EPN2: variants seen among roughly 807,000 people sequenced by gnomAD.
EPN2 encodes epsin 2.
A neutral mutation model predicts 61.7 loss-of-function variants in EPN2; 34 were observed. The ratio of observed to expected loss-of-function variants is 0.55; its 90% CI spans 0.42 to 0.73. The LOEUF (loss-of-function observed/expected upper bound fraction) is 0.73. Among genes scored for constraint, EPN2 ranks in the 30% least tolerant of loss-of-function variants. The probability of loss-of-function intolerance (pLI) is 0.00; values close to 1 mark genes in which losing one functional copy is unlikely to be tolerated. For missense variants in EPN2, 714 were observed against 839.2 expected (o/e 0.85, Z 1.84); for synonymous variants, 349 against 353.6 (o/e 0.99, Z 0.15).
chr17:19,278,938 C>CTAGTGAGGATTTCT (rs1446751873), intron 1 of EPN2, among the ~76,000 whole-genome samples: 1 of 152,180 alleles, frequency 6.6e-6, no homozygotes, highest in African/African-American at 2.4e-5. Flanking sequence ...TGCCCGGCCC[C>CTAGTGAGGATTTCT]TAGTGAGGAT....
chr17:19,313,305 G>A (rs770647847), intron 7 of EPN2, 26 bp downstream of exon 7: 3 of 1,497,370 alleles, frequency 2.0e-6, no homozygotes, highest in East Asian at 2.5e-5. Context: ...CTGGTCTCCC[G>A]TGCTTGCCTG....
At chr17:19,257,348 A>G (rs917730664) in intron 1 of EPN2, among the ~76,000 whole-genome samples, 8 of 152,170 alleles carry the variant, frequency 5.3e-5, no homozygotes, top group African/African-American at 1.9e-4. Context: ...GCTAGGTCCC[A>G]TGGAGATTGT....
At chr17:19,291,268 G>A (rs868103482) in intron 4 of EPN2, among the ~76,000 whole-genome samples, 76 of 152,300 alleles carry the variant, frequency 5.0e-4, no homozygotes, top group African/African-American at 1.6e-3. Context: ...AGCAGTGGCC[G>A]TGATCATTGT....
intron 1 of EPN2, among the ~76,000 whole-genome samples, chr17:19,276,918 C>A (rs550462054): frequency 6.6e-6 from 1 of 152,050 alleles, no homozygotes; most frequent in South Asian, 2.1e-4. Context: ...GTGAGCTGAT[C>A]ACACACTTCC....
chr17:19,302,405 C>T (rs1598008644), intron 4 of EPN2, among the ~76,000 whole-genome samples: 1 of 152,354 alleles, frequency 6.6e-6, no homozygotes, highest in Middle Eastern at 3.4e-3. Flanking sequence ...AGCCGCTCCC[C>T]ATCACTTGCA....
intron 1 of EPN2, among the ~76,000 whole-genome samples, chr17:19,239,095 G>C (rs2044850673): frequency 1.3e-5 from 2 of 152,208 alleles, no homozygotes; most frequent in Non-Finnish European, 2.9e-5. Context: ...CTTGTTCGGT[G>C]CTTGTTTTTG....
At chr17:19,257,449 G>A (rs1415246205) in intron 1 of EPN2, among the ~76,000 whole-genome samples, 1 of 151,978 alleles carries the variant, frequency 6.6e-6, no homozygotes, top group African/African-American at 2.4e-5. Context: ...TATAGCCTTA[G>A]GACCTATACG....
chr17:19,286,060 C>T (rs2045401743), intron 4 of EPN2, among the ~76,000 whole-genome samples: 1 of 152,198 alleles, frequency 6.6e-6, no homozygotes, highest in African/African-American at 2.4e-5. Flanking sequence ...GGTGATGGCC[C>T]ATGCTCTCCC....
At chr17:19,308,712 G>A in intron 4 of EPN2, 2 of 981,118 alleles carry the variant, frequency 2.0e-6, no homozygotes, top group Non-Finnish European at 2.4e-6. Flanking sequence ...GGCAGGTCTT[G>A]TTCTGAGAGT....
intron 4 of EPN2, among the ~76,000 whole-genome samples, chr17:19,304,683 C>G (rs1038385329): frequency 2.0e-5 from 3 of 152,232 alleles, no homozygotes; most frequent in African/African-American, 7.2e-5. Context: ...TTTACCTCCT[C>G]CCACAGGCCC....
At chr17:19,263,792 G>T (rs913407291) in intron 1 of EPN2, among the ~76,000 whole-genome samples, 2 of 152,178 alleles carry the variant, frequency 1.3e-5, no homozygotes, top group African/African-American at 4.8e-5. Flanking sequence ...ACCAGACCTG[G>T]CCTTCCTGAG....
intron 1 of EPN2, among the ~76,000 whole-genome samples, chr17:19,247,234 C>T (rs186462426): frequency 3.3e-5 from 5 of 152,244 alleles, no homozygotes; most frequent in Non-Finnish European, 7.3e-5. Context: ...AGTTTCATGA[C>T]TGAGGCCAGT....
intron 4 of EPN2, among the ~76,000 whole-genome samples, chr17:19,286,547 C>T (rs2045407071): frequency 6.6e-6 from 1 of 152,178 alleles, no homozygotes; most frequent in Admixed American, 6.5e-5. Flanking sequence ...AGTGGGTTCT[C>T]TGCTACAGGG....
chr17:19,326,259 T>C (rs1215729966), intron 7 of EPN2, among the ~76,000 whole-genome samples: 1 of 152,202 alleles, frequency 6.6e-6, no homozygotes, highest in Non-Finnish European at 1.5e-5. Context: ...TTCTTCACTT[T>C]TGTTTTTTAA....
At position 19,331,930 on chromosome 17, in the gene EPN2, G is replaced by A. The variant is rs1907176599; in HGVS notation, c.1489G>A (p.Val497Ile). 1.9e-6 allele frequency: 3 copies of A among 1,614,040 alleles called. No individual in the cohort carries two copies. Among genetic ancestry groups the A allele is most frequent in the South Asian group, 1.1e-5 (1 of 91,088 alleles). ...CCCCTTTGAGTCTCAACCCCTGACT[G>A]TCGCCTCAAGCAAGCCCAGCAGTGC... ...PDPFESQPLT[V>I]ASSKPSSARK... Residue 497 changes from valine (V) to isoleucine (I), a missense_variant, in exon 10 of 11, where the codon GTC (valine) becomes ATC (isoleucine). This residue lies in a region of EPN2 where 410 missense variants were observed against 421.8 expected (regional missense o/e 0.97). Transcript: ENST00000314728.
intron 1 of EPN2, among the ~76,000 whole-genome samples, chr17:19,253,376 G>C (rs2045035773): frequency 6.7e-6 from 1 of 148,674 alleles, no homozygotes; most frequent in Non-Finnish European, 1.5e-5. Flanking sequence ...TGGACACTTG[G>C]GTTGTTTCCA....
Position 19,285,972 on chromosome 17 carries a change from G to A in EPN2, c.766+182G>A, listed in dbSNP as rs76603023. 4.9e-3 allele frequency among the ~76,000 whole-genome samples: 751 copies of A among 152,270 alleles called. 3 individuals carry two copies. Among genetic ancestry groups the A allele is most frequent in the African/African-American group, 0.018 (732 of 41,544 alleles). Reference sequence around the variant, plus strand: ...GGAGCTTGTGGCCTGGTCGTGCTCCGCTTCCAGGATCACATGTCACTTGCT... The same window carrying A: ...GGAGCTTGTGGCCTGGTCGTGCTCCACTTCCAGGATCACATGTCACTTGCT... On this transcript the variant is annotated intron_variant, in intron 4 of 10. Coordinates refer to ENST00000314728, the MANE Select transcript of EPN2 (RefSeq NM_014964.5). This position sits in a 1 kb window ranked among gnomAD's most constrained non-coding sequence, Gnocchi z 4.5.
Position 19,334,152 on chromosome 17 carries a change from T to C in EPN2, c.1824T>C (p.Ser608=), listed in dbSNP as rs1907290927. 2.5e-6 allele frequency: 4 copies of C among 1,604,544 alleles called. No homozygotes were observed. Among genetic ancestry groups the C allele is most frequent in the Non-Finnish European group, 3.4e-6 (4 of 1,175,068 alleles). The change falls in exon 11 of 11, where the codon TCT becomes TCC. Residue 608 remains serine, a synonymous_variant. Coordinates refer to ENST00000314728, the MANE Select transcript of EPN2 (RefSeq NM_014964.5). The surrounding 1 kb of genome is among the most constrained non-coding windows in gnomAD (Gnocchi z 4.9). The stretch of plus-strand genomic sequence containing the variant: ...CAGCTCTGGGGGCCACTGGTTCCTC[T>C]CTGACACCACTGGGCCCTGCAATGA... ...PQPALGATGS[S]LTPLGPAMMN...
At chr17:19,307,786 A>T in intron 4 of EPN2, 3 of 421,862 alleles carry the variant, frequency 7.1e-6, no homozygotes, top group Non-Finnish European at 9.5e-6. Context: ...GCCCAGAAGC[A>T]GCCTCTTTCT....
Sources: allele counts gnomAD v4.1 joint callset (sites outside exome capture counted in the v4.1 genomes callset), GRCh38; gene constraint gnomAD v4.1.1; regional missense constraint gnomAD v4.1.1; non-coding constraint Gnocchi (gnomAD v3.1); transcripts MANE v1.5; gene names NCBI Gene and HGNC (gene_info 2026-07-23, HGNC 2026-07-21).